Variants in CEPT1 observed in about 807,000 individuals in gnomAD.
CEPT1 encodes the protein choline/ethanolamine phosphotransferase 1.
In CEPT1, 7 loss-of-function variants were observed where a neutral mutation model predicts 42.6. That is an observed-to-expected ratio of 0.16 (90% CI 0.09 to 0.31). The LOEUF is 0.31. Among genes scored for constraint, CEPT1 ranks in the 10% least tolerant of loss-of-function variants. The pLI, the probability that CEPT1 is intolerant of heterozygous loss-of-function variation, is 1.00. For synonymous variants in CEPT1, 171 were observed against 171.9 expected (o/e 0.99, Z 0.04); for missense variants, 306 against 502.1 (o/e 0.61, Z 3.73).
chr1:111,144,713 A>G (rs545726697), intron 1 of CEPT1, among the ~76,000 whole-genome samples: 15 of 152,352 alleles, frequency 9.8e-5, no homozygotes, highest in Middle Eastern at 3.4e-3. Context: ...CAACAGTAAA[A>G]TACAAATGGA....
Position 111,147,706 on chromosome 1 carries a change from A to AT in CEPT1, c.-9_-8insT. On this transcript the variant is annotated 5_prime_UTR_variant, in exon 2 of 9. Transcript: ENST00000357172. ...TACTGTCTTTAAATATTAAAAAAAA[A>AT]CAAGATCCATGAGTGGGCATCGATC... 6.4e-7 allele frequency: 1 copy of AT among 1,572,334 alleles called. No individual in the cohort carries two copies. The highest frequency in any genetic ancestry group is 8.6e-7 in the Non-Finnish European group (1 of 1,159,338).
chr1:111,182,843 T>C lies in CEPT1; in HGVS notation c.891T>C (p.Ile297=). 1 of 1,613,612 alleles carries C rather than the reference T, an allele frequency of 6.2e-7. No individual in the cohort carries two copies. Among genetic ancestry groups the C allele is most frequent in the Non-Finnish European group, 8.5e-7 (1 of 1,179,556 alleles). Residue 297 remains isoleucine, a synonymous_variant, in exon 7 of 9, where the codon ATT becomes ATC. Transcript: ENST00000357172. ...LSPFLHIGSV[I]TLAAMIYKKS... is the part of the protein sequence containing the mutation. ...CTTTTCTCCATATTGGATCAGTGAT[T>C]ACATTAGCTGCAATGATCTACAAGA... is the stretch of plus-strand genomic sequence containing the variant.
intron 4 of CEPT1, among the ~76,000 whole-genome samples, chr1:111,170,791 T>A (rs1656377636): frequency 6.6e-6 from 1 of 152,158 alleles, no homozygotes; most frequent in Admixed American, 6.5e-5. Context: ...ATGATTTTTT[T>A]AAACAAAATC....
At chr1:111,161,606 C>A (rs1557931472) in intron 4 of CEPT1, among the ~76,000 whole-genome samples, 1 of 152,046 alleles carries the variant, frequency 6.6e-6, no homozygotes, top group Non-Finnish European at 1.5e-5. Flanking sequence ...ACCTTAATTC[C>A]ATTTTTATTT....
intron 8 of CEPT1, 88 bp downstream of exon 8, chr1:111,183,675 G>A (rs557025106): frequency 1.1e-5 from 14 of 1,283,710 alleles, no homozygotes; most frequent in East Asian, 4.7e-5. Context: ...ATGAAAGATC[G>A]TTCATATAAT....
intron 1 of CEPT1, among the ~76,000 whole-genome samples, chr1:111,146,401 C>T (rs1161170543): frequency 3.3e-5 from 5 of 152,088 alleles, no homozygotes; most frequent in Non-Finnish European, 7.4e-5. Flanking sequence ...TTTTCTTTTC[C>T]AACTTGCCCT....
chr1:111,152,851 T>C (rs959854258), intron 2 of CEPT1, among the ~76,000 whole-genome samples: 2 of 152,200 alleles, frequency 1.3e-5, no homozygotes, highest in African/African-American at 4.8e-5. Context: ...TTTTTTTCCT[T>C]CTGATTGACA....
intron 1 of CEPT1, among the ~76,000 whole-genome samples, chr1:111,144,665 T>A (rs1654858714): frequency 6.6e-6 from 1 of 152,220 alleles, no homozygotes; most frequent in Admixed American, 6.5e-5. Context: ...AGGCTAGCAC[T>A]CATCTTTTTT....
At chr1:111,183,332 T>C in intron 7 of CEPT1, 130 bp from the exon 8 acceptor site, 1 of 1,038,862 alleles carries the variant, frequency 9.6e-7, no homozygotes. Flanking sequence ...GTTGGGTTTT[T>C]AGTTTTGGGA....
chr1:111,174,080 T>C (rs1656556397), intron 4 of CEPT1, among the ~76,000 whole-genome samples: 1 of 152,204 alleles, frequency 6.6e-6, no homozygotes, highest in African/African-American at 2.4e-5. Context: ...TCCAGTAATC[T>C]AAGAATGATA....
rs1285545121 is a variant in CEPT1 at position 111,159,496 on chromosome 1, T to C, written c.456T>C (p.Leu152=). 6.2e-6 allele frequency: 10 copies of C among 1,610,320 alleles called. No individual in the cohort carries two copies. The highest frequency in any genetic ancestry group is 2.5e-6 in the Non-Finnish European group (3 of 1,178,976). The change falls in exon 3 of 9, where the codon CTT becomes CTC. Residue 152 remains leucine, a synonymous_variant. Transcript: ENST00000357172. ...RTNSSSPLGE[L]FDHGCDSLST... ...ATAGTAGTTCTCCTCTGGGAGAACT[T>C]TTTGATCATGGCTGTGATTCACTAT...
chr1:111,161,391 T>C, intron 4 of CEPT1, 95 bp downstream of exon 4: 1 of 1,203,788 alleles, frequency 8.3e-7, no homozygotes, highest in Non-Finnish European at 1.2e-6. Flanking sequence ...ATCAAATCAC[T>C]AAGTTAGTTT....
chr1:111,155,207 T>C (rs1655496163), intron 2 of CEPT1, among the ~76,000 whole-genome samples: 1 of 152,176 alleles, frequency 6.6e-6, no homozygotes, highest in Non-Finnish European at 1.5e-5. Context: ...TCAATCTTTA[T>C]AGGTTATACG....
At chr1:111,158,285 G>A (rs1310273191) in intron 2 of CEPT1, among the ~76,000 whole-genome samples, 4 of 152,114 alleles carry the variant, frequency 2.6e-5, no homozygotes, top group Non-Finnish European at 4.4e-5. Flanking sequence ...CCCAGGAGGC[G>A]GAGGTTGCAG....
chr1:111,147,476 T>C (rs1487419490), intron 1 of CEPT1, among the ~76,000 whole-genome samples, 166 bp from the exon 2 acceptor site: 3 of 152,034 alleles, frequency 2.0e-5, no homozygotes, highest in East Asian at 3.8e-4. Flanking sequence ...ACACTTTCAA[T>C]AAGAACTAGA....
At chr1:111,149,911 C>G (rs1342757585) in intron 2 of CEPT1, among the ~76,000 whole-genome samples, 1 of 152,198 alleles carries the variant, frequency 6.6e-6, no homozygotes, top group African/African-American at 2.4e-5. Flanking sequence ...ATGTGTTCCC[C>G]TGTAATACTT....
chr1:111,149,257 G>T, intron 2 of CEPT1, among the ~76,000 whole-genome samples: 3 of 113,378 alleles, frequency 2.6e-5, no homozygotes, highest in African/African-American at 8.3e-5. Flanking sequence ...GTAAAATCTG[G>T]TTTCTCCTCT....
At chr1:111,176,331 G>A (rs934512180) in intron 5 of CEPT1, among the ~76,000 whole-genome samples, 13 of 152,030 alleles carry the variant, frequency 8.6e-5, no homozygotes, top group African/African-American at 3.1e-4. Flanking sequence ...TGCCTTATGG[G>A]AAGGAAATAA....
chr1:111,182,262 A>G lies in CEPT1; in HGVS notation c.790A>G (p.Asn264Asp). 4 of 1,613,198 alleles carry G rather than the reference A, an allele frequency of 2.5e-6. No individual in the cohort carries two copies. Among genetic ancestry groups the G allele is most frequent in the Non-Finnish European group, 3.4e-6 (4 of 1,179,440 alleles). The change falls in exon 6 of 9, where the codon AAT (asparagine) becomes GAT (aspartate). Residue 264 changes from asparagine (N) to aspartate (D), a missense_variant. This residue lies in a region of CEPT1 where 253 missense variants were observed against 447.3 expected (regional missense o/e 0.57). Transcript: ENST00000357172. ...AGCAGGGACCATATTTTCCTGTACA[A>G]ATTACTTCCGTGTAATCTTCACAGG... The part of the protein sequence containing the change: ...TVAGTIFSCT[N>D]YFRVIFTGGV...
Sources: gnomAD v4.1 joint callset for allele counts (sites outside exome capture counted in the v4.1 genomes callset) on GRCh38, gnomAD v4.1.1 for gene constraint, gnomAD v4.1.1 regional missense constraint, MANE v1.5 for transcripts, NCBI Gene and HGNC (gene_info 2026-07-23, HGNC 2026-07-21) for gene names.